Variants in SENP6 observed in about 807,000 individuals in gnomAD.
SENP6 encodes sentrin-specific protease 6.
A neutral mutation model predicts 134.5 loss-of-function variants in SENP6; 41 were observed. The observed-to-expected ratio is 0.30, with a 90% confidence interval of 0.24 to 0.40. The LOEUF is 0.40. SENP6 is among the 10% of genes least tolerant of loss of function. The pLI, the probability that SENP6 is intolerant of heterozygous loss-of-function variation, is 1.00. For synonymous variants in SENP6, 395 were observed against 429.8 expected, an observed-to-expected ratio of 0.92 and a Z score of 1.00; for missense variants, 1,248 against 1,312.5, an observed-to-expected ratio of 0.95 and a Z score of 0.76.
chr6:75,697,932 T>C (rs958670154), intron 18 of SENP6: 2 of 156,134 alleles, frequency 1.3e-5, no homozygotes, highest in African/African-American at 4.8e-5. Context: ...ATTTATGCCA[T>C]TTTTCAATTA....
At chr6:75,706,222 A>G (rs1775399952) in intron 19 of SENP6, among the ~76,000 whole-genome samples, 2 of 151,966 alleles carry the variant, frequency 1.3e-5, no homozygotes, top group South Asian at 4.2e-4. Flanking sequence ...AGAGAGTGAT[A>G]GCTAAGTGGT....
In SENP6 at chr6:75,675,474, C is replaced by G; in HGVS notation, c.1426+6C>G. The G allele has an allele frequency of 1.4e-6, 2 of 1,436,434 alleles. No individual in the cohort carries two copies. The highest frequency in any genetic ancestry group is 1.9e-6 in the Non-Finnish European group (2 of 1,044,666). The allele number at this position is 1,436,434 out of a possible 1,614,324, so 89.0% of individuals were successfully genotyped here. On this transcript the variant is annotated splice_donor_region_variant and intron_variant, in intron 12 of 23. Transcript: ENST00000447266. ...TATCAAGATACAGCTAGACGGTAAG[C>G]TATTTTATGTCTTTTTACTTACCAA...
intron 8 of SENP6, among the ~76,000 whole-genome samples, chr6:75,661,947 G>C (rs1771810008): frequency 6.6e-6 from 1 of 152,142 alleles, no homozygotes; most frequent in Non-Finnish European, 1.5e-5. Flanking sequence ...AGCTACTTGG[G>C]AGGCCGAGGC....
At chr6:75,620,515 C>T (rs1244416231) in intron 1 of SENP6, 1 of 152,156 alleles carries the variant, frequency 6.6e-6, no homozygotes, top group Non-Finnish European at 1.5e-5. Flanking sequence ...TTGATAAGGG[C>T]ACCAATCCCA....
At position 75,638,590 on chromosome 6, in the gene SENP6, GTATATATATA is replaced by G. The variant is rs1210762229; in HGVS notation, c.459-2070_459-2061del. 2.9e-3 allele frequency among the ~76,000 whole-genome samples: 181 copies of G among 61,412 alleles called. 2 individuals are homozygous for G. Among genetic ancestry groups the G allele is most frequent in the South Asian group, 3.8e-3 (5 of 1,322 alleles). 40.3% of individuals were successfully genotyped at this position (61,412 alleles called of 152,430 possible). A position where few individuals can be genotyped will look rare whatever the true frequency, so the allele number is the denominator to read the frequency against. ...TGTGTGTGTGTGTGTGTGTGTGTGT[GTATATATATA>G]TATATATATATATATATATATATTT... is the stretch of plus-strand genomic sequence containing the variant. On this transcript the variant is annotated intron_variant, in intron 5 of 23. Coordinates refer to ENST00000447266, the MANE Select transcript of SENP6 (RefSeq NM_015571.4).
intron 6 of SENP6, among the ~76,000 whole-genome samples, chr6:75,646,049 A>G (rs528453490): frequency 6.6e-6 from 1 of 152,298 alleles, no homozygotes; most frequent in East Asian, 1.9e-4. Context: ...TGCATGTATG[A>G]TTTACTGTCT....
At chr6:75,633,840 G>T (rs1372012278) in intron 4 of SENP6, 114 bp downstream of exon 4, 2 of 805,450 alleles carry the variant, frequency 2.5e-6, no homozygotes, top group East Asian at 3.0e-5. Context: ...TTGTCTATAG[G>T]GCCAAGAGGT....
chr6:75,625,328 T>C (rs1158354607), intron 3 of SENP6, among the ~76,000 whole-genome samples: 1 of 151,924 alleles, frequency 6.6e-6, no homozygotes, highest in Non-Finnish European at 1.5e-5. Flanking sequence ...TTGGCTAGAC[T>C]GGTCATGAAC....
Position 75,622,465 on chromosome 6 carries a change from A to G in SENP6, c.146+840A>G, listed in dbSNP as rs538927837. On this transcript the variant is annotated intron_variant, in intron 2 of 23. Coordinates refer to ENST00000447266, the MANE Select transcript of SENP6 (RefSeq NM_015571.4). ...TCCCAGCTACTCAGGAGGCTGAGGC[A>G]GGAGAATCACTTGAACCCGGGAGGT... 1.2e-4 allele frequency among the ~76,000 whole-genome samples: 18 copies of G among 152,336 alleles called. No individual in the cohort carries two copies. In the South Asian group the frequency reaches 2.5e-3, roughly 21 times the overall value.
intron 3 of SENP6, 85 bp downstream of exon 3, chr6:75,624,045 A>G (rs1431041871): frequency 6.4e-6 from 7 of 1,096,032 alleles, no homozygotes; most frequent in Non-Finnish European, 9.2e-6. Flanking sequence ...TTTAAATTAT[A>G]AACCCCAGTT....
intron 1 of SENP6, 115 bp from the exon 2 acceptor site, chr6:75,621,417 G>A (rs1190949986): frequency 7.8e-6 from 5 of 637,694 alleles, no homozygotes; most frequent in African/African-American, 3.9e-5. Context: ...ATAGACAAAG[G>A]CAACCAAATT....
intron 10 of SENP6, among the ~76,000 whole-genome samples, 159 bp downstream of exon 10, chr6:75,667,100 A>G (rs1458739114): frequency 1.3e-5 from 2 of 152,240 alleles, no homozygotes; most frequent in East Asian, 1.9e-4. Context: ...ACATTAAGCC[A>G]TATACAAAAA....
At chr6:75,663,819 T>TGGGGGG (rs1199601110) in intron 9 of SENP6, among the ~76,000 whole-genome samples, 10 of 90,766 alleles carry the variant, frequency 1.1e-4, no homozygotes, top group Non-Finnish European at 1.5e-4. Flanking sequence ...TTTTTTTTTT[T>TGGGGGG]GTGGGGGGGG....
intron 6 of SENP6, among the ~76,000 whole-genome samples, chr6:75,645,515 G>A (rs547206695): frequency 1.4e-4 from 22 of 152,282 alleles, no homozygotes; most frequent in Middle Eastern, 3.4e-3. Context: ...TACTCAGGAG[G>A]CTGAGGCATG....
chr6:75,715,321 T>C (rs2149910186), intron 23 of SENP6, 64 bp from the exon 24 acceptor site: 1 of 1,212,438 alleles, frequency 8.2e-7, no homozygotes, highest in Non-Finnish European at 1.2e-6. Flanking sequence ...TCGGAATGTT[T>C]CTGTGATTGA....
intron 5 of SENP6, among the ~76,000 whole-genome samples, chr6:75,636,430 C>T (rs498753): frequency 0.92 from 140,042 of 152,180 alleles, 65,026 homozygotes; most frequent in South Asian, 0.99. Context: ...ATTGAGAGTT[C>T]TTCGGTTTTC....
intron 1 of SENP6, among the ~76,000 whole-genome samples, chr6:75,618,165 G>A (rs1768000339): frequency 6.6e-6 from 1 of 152,140 alleles, no homozygotes. Flanking sequence ...CCATACTCAA[G>A]GGAAGGAAAA....
At chr6:75,698,926 G>A (rs187541485) in intron 18 of SENP6, among the ~76,000 whole-genome samples, 290 of 151,342 alleles carry the variant, frequency 1.9e-3, no homozygotes, top group African/African-American at 5.8e-3. Flanking sequence ...CAGGAGGATC[G>A]CCTGAACCCG....
At chr6:75,621,693 T>A in intron 2 of SENP6, 68 bp downstream of exon 2, 1 of 915,662 alleles carries the variant, frequency 1.1e-6, no homozygotes, top group Non-Finnish European at 1.7e-6. Context: ...ACAATTTCTA[T>A]TGTATGGAAA....
Sources: allele counts gnomAD v4.1 joint callset (sites outside exome capture counted in the v4.1 genomes callset), GRCh38; gene constraint gnomAD v4.1.1; transcripts MANE v1.5; gene names NCBI Gene and HGNC (gene_info 2026-07-23, HGNC 2026-07-21).